The following NRXN3 variants were observed in gnomAD, a reference collection of about 807,000 sequenced individuals.
NRXN3 encodes neurexin 3.
In NRXN3, 32 loss-of-function variants were observed where a neutral mutation model predicts 137.6. That is an observed-to-expected ratio of 0.23 (90% CI 0.18 to 0.31). The LOEUF (loss-of-function observed/expected upper bound fraction) is 0.31. NRXN3 is among the 10% of genes least tolerant of loss of function. The probability of loss-of-function intolerance (pLI) is 1.00; values close to 1 mark genes in which losing one functional copy is unlikely to be tolerated. For synonymous variants in NRXN3, 798 were observed against 784.5 expected (o/e 1.02, Z -0.29); for missense variants, 1,574 against 2,062.5 (o/e 0.76, Z 4.59).
At chr14:78,642,700 T>C (rs2097647427) in intron 4 of NRXN3, among the ~76,000 whole-genome samples, 1 of 152,190 alleles carries the variant, frequency 6.6e-6, no homozygotes, top group Non-Finnish European at 1.5e-5. Context: ...CAGGGTCACC[T>C]CCAGGTCTCC....
At chr14:79,227,342 A>G (rs1354374232) in intron 15 of NRXN3, among the ~76,000 whole-genome samples, 1 of 151,292 alleles carries the variant, frequency 6.6e-6, no homozygotes, top group Non-Finnish European at 1.5e-5. Flanking sequence ...ACTTCCCTAC[A>G]TGGATTGTTT....
chr14:79,109,581 A>G (rs1012648369), intron 15 of NRXN3, among the ~76,000 whole-genome samples: 14 of 152,160 alleles, frequency 9.2e-5, no homozygotes, highest in Admixed American at 3.3e-4. Context: ...TGGCAACCCC[A>G]GGCTCTGTCT....
At position 79,697,829 on chromosome 14, in the gene NRXN3, A is replaced by G; in HGVS notation, c.3906A>G (p.Thr1302=). ...GAGAAGTCCCATCAATTTTGGGAACAACACAGACGACCTCCATGCCACCAG... is the reference window on the plus strand; with the variant it reads ...GAGAAGTCCCATCAATTTTGGGAACGACACAGACGACCTCCATGCCACCAG... ...LVGEVPSILG[T]TQTTSMPPEM... Residue 1302 remains threonine, a synonymous_variant, in exon 19 of 21, where the codon ACA becomes ACG. Transcript: ENST00000335750. The G allele has an allele frequency of 6.2e-7, 1 of 1,613,342 alleles. No individual in the cohort carries two copies. The highest frequency in any genetic ancestry group is 8.5e-7 in the Non-Finnish European group (1 of 1,179,482).
intron 4 of NRXN3, among the ~76,000 whole-genome samples, chr14:78,384,597 T>G (rs1459855105): frequency 2.6e-5 from 4 of 152,148 alleles, no homozygotes; most frequent in Non-Finnish European, 2.9e-5. Flanking sequence ...ATGAAAAATG[T>G]AGACCCACTA....
chr14:79,522,807 G>A (rs2097080526), intron 16 of NRXN3, among the ~76,000 whole-genome samples: 1 of 152,084 alleles, frequency 6.6e-6, no homozygotes, highest in Admixed American at 6.6e-5. Context: ...ACTAGTTTCG[G>A]AGCACAACTC....
intron 19 of NRXN3, among the ~76,000 whole-genome samples, chr14:79,775,598 A>T (rs2099094482): frequency 6.7e-6 from 1 of 150,312 alleles, no homozygotes; most frequent in African/African-American, 2.4e-5. Context: ...GAATTCATTG[A>T]GTAAGCCAAG....
At chr14:78,341,101 C>T (rs1450420460) in intron 4 of NRXN3, among the ~76,000 whole-genome samples, 1 of 152,052 alleles carries the variant, frequency 6.6e-6, no homozygotes, top group African/African-American at 2.4e-5. Context: ...TCACATTTAA[C>T]TGGACAGTTT....
intron 14 of NRXN3, among the ~76,000 whole-genome samples, chr14:78,982,612 G>A (rs1220167926): frequency 6.6e-6 from 1 of 151,128 alleles, no homozygotes; most frequent in East Asian, 2.2e-4. Context: ...AAATAAAATT[G>A]TACCCTTTTT....
chr14:79,145,980 A>C lies in NRXN3; in HGVS notation c.3262+157839A>C, dbSNP rs143717994. Among the ~76,000 whole-genome samples the C allele has an allele frequency of 1.5e-3, 226 of 152,356 alleles. 2 individuals carry two copies. Among genetic ancestry groups the C allele is most frequent in the African/African-American group, 5.3e-3 (219 of 41,596 alleles). On this transcript the variant is annotated intron_variant, in intron 15 of 20. Transcript: ENST00000335750. The stretch of plus-strand genomic sequence containing the variant: ...TGTTACTTAACTGATTCAAGTTCAC[A>C]CAGCTAATAAACAACAGAGGCACAA...
intron 16 of NRXN3, among the ~76,000 whole-genome samples, chr14:79,512,102 T>C (rs1347822311): frequency 1.3e-5 from 2 of 152,178 alleles, no homozygotes; most frequent in African/African-American, 2.4e-5. Context: ...TTTCACCATG[T>C]TGGTCAGGCT....
chr14:78,229,012 A>AT (rs1377824154), intron 1 of NRXN3, among the ~76,000 whole-genome samples: 2 of 152,174 alleles, frequency 1.3e-5, no homozygotes, highest in African/African-American at 2.4e-5. Context: ...CTGTTCAAGA[A>AT]TTTTTTTGCA....
At chr14:78,685,810 C>CTTTTTTTT (rs76135969) in intron 6 of NRXN3, among the ~76,000 whole-genome samples, 1 of 133,820 alleles carries the variant, frequency 7.5e-6, no homozygotes, top group Non-Finnish European at 1.6e-5. Flanking sequence ...GTTTTTCTTT[C>CTTTTTTTT]TTTTTTTTTT....
In NRXN3 at chr14:79,644,674, G is replaced by T. The variant is rs975744417; in HGVS notation, c.3445-19104G>T. ...TCTATCGAAGGTTTTTAAGATGGCA[G>T]CCTTTAAAAATTATCAAAGTGAAAG... On this transcript the variant is annotated intron_variant, in intron 16 of 20. Coordinates refer to ENST00000335750, the MANE Select transcript of NRXN3 (RefSeq NM_001330195.2). Among the ~76,000 whole-genome samples the T allele has an allele frequency of 1.5e-5, 2 of 135,970 alleles. 1 individual carries two copies. Among genetic ancestry groups the T allele is most frequent in the Non-Finnish European group, 3.4e-5 (2 of 58,484 alleles). The allele number at this position is 135,970 out of a possible 152,430, so 89.2% of individuals were successfully genotyped here.
At chr14:79,361,483 G>A (rs1390286232) in intron 15 of NRXN3, among the ~76,000 whole-genome samples, 1 of 152,130 alleles carries the variant, frequency 6.6e-6, no homozygotes, top group South Asian at 2.1e-4. Context: ...TTGGGAGGCC[G>A]AGGTGGGTGG....
intron 19 of NRXN3, among the ~76,000 whole-genome samples, chr14:79,715,267 G>C (rs182600211): frequency 2.6e-5 from 4 of 152,100 alleles, no homozygotes; most frequent in Non-Finnish European, 2.9e-5. Flanking sequence ...AAATCCTGTT[G>C]TGTCCTAAAG....
chr14:79,481,215 A>G (rs1246502477), intron 16 of NRXN3, among the ~76,000 whole-genome samples: 1 of 152,176 alleles, frequency 6.6e-6, no homozygotes, highest in East Asian at 1.9e-4. Context: ...GCTATCATAT[A>G]TATTTTATTA....
intron 15 of NRXN3, among the ~76,000 whole-genome samples, chr14:79,233,968 G>A (rs1184090965): frequency 6.6e-6 from 1 of 151,810 alleles, no homozygotes; most frequent in Non-Finnish European, 1.5e-5. Context: ...AATTTTGAGA[G>A]AAAATACTTT....
chr14:78,906,340 T>C (rs879447989), intron 10 of NRXN3, among the ~76,000 whole-genome samples: 1 of 151,946 alleles, frequency 6.6e-6, no homozygotes, highest in Non-Finnish European at 1.5e-5. Flanking sequence ...ACTACTTTCT[T>C]CCCATGATTT....
At chr14:78,251,414 C>A (rs1185817081) in intron 2 of NRXN3, among the ~76,000 whole-genome samples, 1 of 152,252 alleles carries the variant, frequency 6.6e-6, no homozygotes, top group African/African-American at 2.4e-5. Flanking sequence ...TAAGTCTCCA[C>A]ACCTAATTTT....
Sources: allele counts gnomAD v4.1 joint callset (sites outside exome capture counted in the v4.1 genomes callset), GRCh38; gene constraint gnomAD v4.1.1; transcripts MANE v1.5; gene names NCBI Gene and HGNC (gene_info 2026-07-23, HGNC 2026-07-21).